BCAR3: variants seen among roughly 807,000 people sequenced by gnomAD.
The protein encoded by BCAR3 is breast cancer anti-estrogen resistance protein 3.
Under a neutral mutation model 80.1 loss-of-function variants are expected in BCAR3, and 37 were observed. The observed-to-expected ratio is 0.46, with a 90% confidence interval of 0.36 to 0.61. The LOEUF is 0.61. Ranked by LOEUF, BCAR3 falls within the 20% of genes least tolerant of loss-of-function variation. The pLI is 0.00. For synonymous variants in BCAR3, 389 were observed against 418.9 expected (o/e 0.93, Z 0.87); for missense variants, 978 against 1,068.2 (o/e 0.92, Z 1.18).
intron 2 of BCAR3, among the ~76,000 whole-genome samples, chr1:93,771,732 A>G (rs1488158269): frequency 2.0e-5 from 3 of 152,166 alleles, no homozygotes; most frequent in African/African-American, 7.2e-5. Flanking sequence ...ACCTCACGCA[A>G]CACAAGAATC....
intron 2 of BCAR3, among the ~76,000 whole-genome samples, chr1:93,783,398 C>T (rs1274651571): frequency 6.6e-6 from 1 of 152,164 alleles, no homozygotes; most frequent in Non-Finnish European, 1.5e-5. Flanking sequence ...CTAAAAATCA[C>T]ACTGGTTGAT....
intron 2 of BCAR3, among the ~76,000 whole-genome samples, chr1:93,817,041 C>T (rs996422946): frequency 6.6e-6 from 1 of 152,210 alleles, no homozygotes; most frequent in Non-Finnish European, 1.5e-5. Context: ...CAATAACTTC[C>T]TGGATGGTTC....
At chr1:93,778,469 GAAT>G (rs1652651429) in intron 2 of BCAR3, among the ~76,000 whole-genome samples, 1 of 151,674 alleles carries the variant, frequency 6.6e-6, no homozygotes, top group African/African-American at 2.4e-5. Flanking sequence ...AATAGTATCA[GAAT>G]AATAATACCA....
At chr1:93,739,679 T>C (rs1571086389) in intron 2 of BCAR3, among the ~76,000 whole-genome samples, 2 of 152,240 alleles carry the variant, frequency 1.3e-5, no homozygotes, top group South Asian at 4.1e-4. Flanking sequence ...GCCCTACCAA[T>C]TACGTACTCA....
chr1:93,571,618 T>C (rs764262612), intron 9 of BCAR3, 52 bp downstream of exon 9: 8 of 1,599,774 alleles, frequency 5.0e-6, no homozygotes, highest in African/African-American at 4.0e-5. Flanking sequence ...AAACATGGCA[T>C]GCAGATCTCT....
At chr1:93,609,831 C>T (rs141399999) in intron 3 of BCAR3, among the ~76,000 whole-genome samples, 341 of 152,318 alleles carry the variant, frequency 2.2e-3, no homozygotes, top group African/African-American at 7.7e-3. Flanking sequence ...GCCAATTCTC[C>T]TCCTTCTCTG....
At chr1:93,588,940 C>T (rs753531771) in intron 5 of BCAR3, 37 bp downstream of exon 5, 47 of 1,504,172 alleles carry the variant, frequency 3.1e-5, no homozygotes, top group Middle Eastern at 2.2e-4. Context: ...GGCACCCCGG[C>T]GCCCCTCATA....
intron 5 of BCAR3, among the ~76,000 whole-genome samples, chr1:93,588,542 C>T (rs2101842826): frequency 6.6e-6 from 1 of 152,308 alleles, no homozygotes; most frequent in East Asian, 1.9e-4. Context: ...GGCTATCTCC[C>T]TAAGCCCACT....
At chr1:93,733,160 A>G (rs1650853035) in intron 2 of BCAR3, among the ~76,000 whole-genome samples, 1 of 152,080 alleles carries the variant, frequency 6.6e-6, no homozygotes, top group Admixed American at 6.5e-5. Flanking sequence ...CTGAGGAATA[A>G]GTGCACTGAA....
At chr1:93,751,225 C>T (rs1001750058) in intron 2 of BCAR3, among the ~76,000 whole-genome samples, 5 of 152,158 alleles carry the variant, frequency 3.3e-5, no homozygotes, top group Non-Finnish European at 7.3e-5. Context: ...GCTGATACCT[C>T]GGCTTGGCTT....
chr1:93,775,621 G>A (rs1326001920), intron 2 of BCAR3, among the ~76,000 whole-genome samples: 1 of 152,068 alleles, frequency 6.6e-6, no homozygotes, highest in Admixed American at 6.6e-5. Context: ...GGAAATCACT[G>A]GAAAAAAAGT....
At position 93,562,017 on chromosome 1, in the gene BCAR3, T is replaced by C; in HGVS notation, c.*224A>G. 7.6e-6 allele frequency: 3 copies of C among 396,826 alleles called. No homozygotes were observed. The East Asian group carries it at 1.3e-4, about 17-fold the overall frequency. The allele number at this position is 396,826 out of a possible 1,614,324, so 24.6% of individuals were successfully genotyped here. On this transcript the variant is annotated 3_prime_UTR_variant, in exon 12 of 12. Transcript: ENST00000260502. ...TAAATTTGCTGATCAACATTAGCAG[T>C]AGTTACCTTAATAATAAATTATTCA...
Position 93,592,188 on chromosome 1 carries a change from T to G in BCAR3, c.486+77A>C, listed in dbSNP as rs1674234439. 6.3e-7 allele frequency: 1 copy of G among 1,588,836 alleles called. No homozygotes were observed. The highest frequency in any genetic ancestry group is 1.1e-5 in the South Asian group (1 of 89,130). On this transcript the variant is annotated intron_variant, in intron 4 of 11. Coordinates refer to ENST00000260502, the MANE Select transcript of BCAR3 (RefSeq NM_003567.4). This position sits in a 1 kb window ranked among gnomAD's most constrained non-coding sequence, Gnocchi z 4.8. ...TGCTTCCGCCCATGTGGCCTCGGAG[T>G]GGGACCCTGCGGGTCATCAATCTGT... is the stretch of plus-strand genomic sequence containing the variant.
intron 2 of BCAR3, among the ~76,000 whole-genome samples, chr1:93,801,423 A>C (rs2100789536): frequency 6.6e-6 from 1 of 152,384 alleles, no homozygotes; most frequent in South Asian, 2.1e-4. Flanking sequence ...CTCTAAAAGA[A>C]GGTTAAAATT....
chr1:93,839,492 TATCA>T (rs1312496601), intron 2 of BCAR3, among the ~76,000 whole-genome samples: 1 of 152,170 alleles, frequency 6.6e-6, no homozygotes, highest in Non-Finnish European at 1.5e-5. Flanking sequence ...GGATTTTCTT[TATCA>T]ATCAGCTTGG....
intron 2 of BCAR3, among the ~76,000 whole-genome samples, chr1:93,743,209 T>G (rs1242424614): frequency 6.6e-6 from 1 of 152,052 alleles, no homozygotes; most frequent in Non-Finnish European, 1.5e-5. Context: ...AGGTGCTAGG[T>G]GTATTTAAAA....
intron 3 of BCAR3, among the ~76,000 whole-genome samples, chr1:93,620,110 C>G (rs141249734): frequency 6.6e-6 from 1 of 152,160 alleles, no homozygotes; most frequent in Non-Finnish European, 1.5e-5. Context: ...GCAGGGCACA[C>G]GCCCACCCAC....
chr1:93,614,128 G>A (rs1675034543), intron 3 of BCAR3: 2 of 1,371,504 alleles, frequency 1.5e-6, no homozygotes, highest in Non-Finnish European at 1.9e-6. Flanking sequence ...AAGCCAATAC[G>A]ATCCACTCGC....
intron 9 of BCAR3, among the ~76,000 whole-genome samples, chr1:93,570,989 A>G (rs1219753290): frequency 6.6e-6 from 1 of 152,146 alleles, no homozygotes; most frequent in Non-Finnish European, 1.5e-5. Context: ...AGATCACCTG[A>G]GGTCAGGAGT....
Sources: allele counts gnomAD v4.1 joint callset (sites outside exome capture counted in the v4.1 genomes callset), GRCh38; gene constraint gnomAD v4.1.1; non-coding constraint Gnocchi (gnomAD v3.1); transcripts MANE v1.5; gene names NCBI Gene and HGNC (gene_info 2026-07-23, HGNC 2026-07-21).